DHRS7B: variants seen among roughly 807,000 people sequenced by gnomAD.
The protein encoded by DHRS7B is peroxisomal reductase activating PPAR-gamma.
A neutral mutation model predicts 26.4 loss-of-function variants in DHRS7B; 24 were observed. That is an observed-to-expected ratio of 0.91 (90% CI 0.66 to 1.28). DHRS7B has a LOEUF of 1.28. Among genes scored for constraint, DHRS7B ranks in the 50% most tolerant of loss-of-function variants. DHRS7B has a pLI of 0.00. For missense variants in DHRS7B, 368 were observed against 419.4 expected (o/e 0.88, Z 1.07); for synonymous variants, 142 against 166.4 (o/e 0.85, Z 1.13).
In DHRS7B at chr17:21,132,360, T is replaced by TATAG. The variant is rs1195637838; in HGVS notation, c.20+5387_20+5390dup. Reference sequence around the variant, plus strand: ...TTAAAAAAAAAAAAATATATATATATATAGATAGATAGATAGATAGAGATA... The same window carrying TATAG: ...TTAAAAAAAAAAAAATATATATATATATAGATAGATAGATAGATAGATAGAGATA... On this transcript the variant is annotated intron_variant, in intron 1 of 6. Transcript: ENST00000395511. 1.5e-3 allele frequency among the ~76,000 whole-genome samples: 224 copies of TATAG among 146,946 alleles called. 1 individual carries two copies. Among genetic ancestry groups the TATAG allele is most frequent in the African/African-American group, 5.0e-3 (196 of 39,532 alleles).
At chr17:21,158,690 C>T (rs1452473804) in intron 1 of DHRS7B, among the ~76,000 whole-genome samples, 1 of 152,108 alleles carries the variant, frequency 6.6e-6, no homozygotes, top group Non-Finnish European at 1.5e-5. Flanking sequence ...TATTGACAAA[C>T]TGATTATAAA....
At chr17:21,140,022 C>CTTTTTTTTTTTTTTTTT (rs201900387) in intron 1 of DHRS7B, among the ~76,000 whole-genome samples, 5 of 106,702 alleles carry the variant, frequency 4.7e-5, no homozygotes, top group Non-Finnish European at 5.5e-5. Context: ...CTTTCAGATT[C>CTTTTTTTTTTTTTTTTT]TTTTTTTTTT....
intron 6 of DHRS7B, among the ~76,000 whole-genome samples, chr17:21,189,448 G>A (rs868456019): frequency 5.7e-4 from 87 of 152,348 alleles, no homozygotes; most frequent in African/African-American, 2.0e-3. Flanking sequence ...GTGTGCCCAT[G>A]ATCACTGGAG....
rs4020775 is a variant in DHRS7B, at chr17:21,140,479, TACACACACAC to T, written c.20+13539_20+13548del. Among the ~76,000 whole-genome samples, 805 of 83,674 alleles carry T rather than the reference TACACACACAC, an allele frequency of 9.6e-3. 3 individuals carry two copies. The highest frequency in any genetic ancestry group is 0.014 in the Middle Eastern group (2 of 144). The allele number at this position is 83,674 out of a possible 152,430, so 54.9% of individuals were successfully genotyped here. Reference sequence around the variant, plus strand: ...ATAGAAATTTTAAAGGCCTTTTAAATACACACACACACACACACACACACACACACACACA... The same window carrying T: ...ATAGAAATTTTAAAGGCCTTTTAAATACACACACACACACACACACACACA... On this transcript the variant is annotated intron_variant, in intron 1 of 6. Transcript: ENST00000395511.
intron 2 of DHRS7B, among the ~76,000 whole-genome samples, chr17:21,173,352 C>G (rs1393131698): frequency 3.9e-5 from 6 of 152,200 alleles, no homozygotes. Context: ...ACTAGGACTT[C>G]CAGCCAGAAG....
intron 2 of DHRS7B, among the ~76,000 whole-genome samples, chr17:21,172,700 C>T (rs1567626670): frequency 6.6e-6 from 1 of 152,194 alleles, no homozygotes; most frequent in Non-Finnish European, 1.5e-5. Context: ...CAGCTGTCCC[C>T]TCAGCATGGT....
chr17:21,140,537 CA>C (rs1350159587), intron 1 of DHRS7B, among the ~76,000 whole-genome samples: 234 of 148,696 alleles, frequency 1.6e-3, no homozygotes, highest in Middle Eastern at 6.9e-3. Flanking sequence ...CACACACACA[CA>C]CCCTGACACC....
intron 1 of DHRS7B, among the ~76,000 whole-genome samples, chr17:21,168,106 A>G (rs912525042): frequency 1.3e-5 from 2 of 152,220 alleles, no homozygotes; most frequent in Non-Finnish European, 2.9e-5. Flanking sequence ...ACAAGCTAGG[A>G]AAGTGTTGGC....
At chr17:21,178,492 C>A in intron 3 of DHRS7B, 150 bp downstream of exon 3, 1 of 643,056 alleles carries the variant, frequency 1.6e-6, no homozygotes, top group Non-Finnish European at 2.7e-6. Context: ...CCATAGCGAA[C>A]CGGGCCCACT....
chr17:21,184,287 T>G (rs1487920313), intron 4 of DHRS7B, 84 bp from the exon 5 acceptor site: 2 of 1,245,502 alleles, frequency 1.6e-6, no homozygotes, highest in Non-Finnish European at 2.3e-6. Context: ...TGACTAAATA[T>G]CAAAAGCAAG....
At chr17:21,183,391 G>A (rs1411171986) in intron 3 of DHRS7B, among the ~76,000 whole-genome samples, 1 of 151,942 alleles carries the variant, frequency 6.6e-6, no homozygotes, top group Non-Finnish European at 1.5e-5. Context: ...TTGTTTTTCT[G>A]TATTCTGTTT....
intron 1 of DHRS7B, among the ~76,000 whole-genome samples, chr17:21,133,837 A>G (rs1973288932): frequency 6.6e-6 from 1 of 152,128 alleles, no homozygotes; most frequent in Non-Finnish European, 1.5e-5. Flanking sequence ...CAAAAGAACA[A>G]TCCTGGAAAA....
At chr17:21,180,424 AT>A (rs1171916116) in intron 3 of DHRS7B, among the ~76,000 whole-genome samples, 1 of 152,074 alleles carries the variant, frequency 6.6e-6, no homozygotes, top group Non-Finnish European at 1.5e-5. Context: ...ATTTGAGTTA[AT>A]TTTTATACAT....
At chr17:21,169,013 C>A in intron 1 of DHRS7B, 1 of 753,440 alleles carries the variant, frequency 1.3e-6, no homozygotes, top group Non-Finnish European at 1.6e-6. Flanking sequence ...CCTTGCTGGG[C>A]TGGTTTATTT....
chr17:21,141,005 G>A (rs930680257), intron 1 of DHRS7B, among the ~76,000 whole-genome samples: 2 of 152,050 alleles, frequency 1.3e-5, no homozygotes, highest in African/African-American at 4.8e-5. Flanking sequence ...GCACTGAGTC[G>A]CTTCCACCCT....
intron 1 of DHRS7B, among the ~76,000 whole-genome samples, chr17:21,133,933 T>G (rs1367709290): frequency 6.6e-6 from 1 of 152,174 alleles, no homozygotes; most frequent in Non-Finnish European, 1.5e-5. Flanking sequence ...GTTGCTATTA[T>G]TTTCTTCTGA....
rs1038781730 is a variant in DHRS7B, at chr17:21,184,300, C to T, written c.527-71C>T. The stretch of plus-strand genomic sequence containing the variant: ...TCTGACTAAATATCAAAAGCAAGGT[C>T]GCCTTCCATCAGCATCGGGTGCAAT... On this transcript the variant is annotated intron_variant, in intron 4 of 6. Coordinates refer to ENST00000395511, the MANE Select transcript of DHRS7B (RefSeq NM_015510.5). 49 of 1,341,366 alleles carry T rather than the reference C, an allele frequency of 3.7e-5. No individual in the cohort carries two copies. The African/African-American group carries it at 4.7e-4, about 13-fold the overall frequency. The allele number at this position is 1,341,366 out of a possible 1,614,324, so 83.1% of individuals were successfully genotyped here. A position where few individuals can be genotyped will look rare whatever the true frequency, so the allele number is the denominator to read the frequency against.
At chr17:21,127,109 G>C (rs1202548528) in intron 1 of DHRS7B, 118 bp downstream of exon 1, 1 of 1,117,110 alleles carries the variant, frequency 9.0e-7, no homozygotes, top group African/African-American at 1.7e-5. Flanking sequence ...AAGGCCGCGG[G>C]CCCTGGGCGG....
intron 1 of DHRS7B, among the ~76,000 whole-genome samples, chr17:21,150,583 C>T (rs905518407): frequency 6.6e-6 from 1 of 152,092 alleles, no homozygotes; most frequent in African/African-American, 2.4e-5. Flanking sequence ...CACCATTGCA[C>T]TCCAGCCTGG....
Sources: gnomAD v4.1 joint callset for allele counts (sites outside exome capture counted in the v4.1 genomes callset) on GRCh38, gnomAD v4.1.1 for gene constraint, MANE v1.5 for transcripts, NCBI Gene and HGNC (gene_info 2026-07-23, HGNC 2026-07-21) for gene names.